PCDHA5: variants seen among roughly 807,000 people sequenced by gnomAD.
The protein encoded by PCDHA5 is protocadherin alpha-5.
In PCDHA5, 43 loss-of-function variants were observed where a neutral mutation model predicts 61.6. That is an observed-to-expected ratio of 0.70 (90% CI 0.55 to 0.90). The LOEUF (loss-of-function observed/expected upper bound fraction) is 0.90, where lower values mean the gene tolerates loss of function less well. PCDHA5 is among the 40% of genes least tolerant of loss of function. PCDHA5 has a pLI of 0.00. For missense variants in PCDHA5, 1,298 were observed against 1,222.7 expected (o/e 1.06, Z -0.92); for synonymous variants, 627 against 543.9 (o/e 1.15, Z -2.13).
Position 140,822,952 on chromosome 5 carries a change from C to T in PCDHA5, c.1177C>T (p.Pro393Ser). Residue 393 changes from proline (P) to serine (S), a missense_variant, in exon 1 of 4, where the codon CCC becomes TCC. Physicochemically the swap from Pro to Ser is moderately conservative, Grantham distance 74 (BLOSUM62 -1). Coordinates refer to ENST00000529859, the MANE Select transcript of PCDHA5 (RefSeq NM_018908.3). Reference protein sequence around the residue: ...QVTCSLMPHVPFKLVSTFKNY... With the variant: ...QVTCSLMPHVSFKLVSTFKNY... Reference sequence around the variant, plus strand: ...GACCTGCTCCCTAATGCCCCACGTTCCCTTCAAGCTGGTGTCCACCTTCAA... The same window carrying T: ...GACCTGCTCCCTAATGCCCCACGTTTCCTTCAAGCTGGTGTCCACCTTCAA... 1 of 1,614,248 alleles carries T rather than the reference C, an allele frequency of 6.2e-7. No individual in the cohort carries two copies. Among genetic ancestry groups the T allele is most frequent in the Non-Finnish European group, 8.5e-7 (1 of 1,180,052 alleles).
At chr5:140,828,739 T>C in intron 1 of PCDHA5, 2 of 1,614,220 alleles carry the variant, frequency 1.2e-6, no homozygotes, top group Non-Finnish European at 1.7e-6. Context: ...CAGCCACAGA[T>C]GGGGGCAAAC....
intron 1 of PCDHA5, among the ~76,000 whole-genome samples, chr5:140,961,895 T>A (rs1453853880): frequency 6.6e-6 from 1 of 152,012 alleles, no homozygotes; most frequent in Non-Finnish European, 1.5e-5. Flanking sequence ...CAGTTTTTTT[T>A]TTTTTTGAGA....
intron 1 of PCDHA5, among the ~76,000 whole-genome samples, chr5:140,946,403 CATAGAA>C (rs1425933072): frequency 1.3e-5 from 2 of 151,512 alleles, no homozygotes; most frequent in African/African-American, 2.4e-5. Flanking sequence ...TTAGTACAAT[CATAGAA>C]AACAATATGG....
At chr5:140,830,117 C>A (rs2150181375) in intron 1 of PCDHA5, 1 of 1,613,510 alleles carries the variant, frequency 6.2e-7, no homozygotes, top group Non-Finnish European at 8.5e-7. Context: ...TGGCCAGGCT[C>A]CAAAGGCGTC....
intron 1 of PCDHA5, chr5:140,927,999 C>T: frequency 6.2e-7 from 1 of 1,614,174 alleles, no homozygotes; most frequent in Non-Finnish European, 8.5e-7. Flanking sequence ...ATGAAGACCT[C>T]GATTCTAATG....
At chr5:140,929,417 T>C in intron 1 of PCDHA5, 2 of 1,503,568 alleles carry the variant, frequency 1.3e-6, no homozygotes, top group Non-Finnish European at 1.8e-6. Context: ...TTTCACAACA[T>C]TTCATCAATT....
chr5:140,963,496 A>C (rs1554226617), intron 1 of PCDHA5, among the ~76,000 whole-genome samples: 2 of 152,232 alleles, frequency 1.3e-5, no homozygotes, highest in African/African-American at 2.4e-5. Context: ...TGAGGAAACA[A>C]ATCTCTTGAA....
At chr5:140,984,581 C>G (rs141574202) in intron 3 of PCDHA5, among the ~76,000 whole-genome samples, 5 of 152,158 alleles carry the variant, frequency 3.3e-5, no homozygotes, top group African/African-American at 1.2e-4. Context: ...GCAACCTAAT[C>G]ATACTTTTCA....
chr5:140,838,676 C>G (rs1236293841), intron 1 of PCDHA5, among the ~76,000 whole-genome samples: 2 of 151,972 alleles, frequency 1.3e-5, no homozygotes, highest in African/African-American at 2.4e-5. Context: ...TGGCACACAC[C>G]TTTAACCCCA....
chr5:140,963,932 A>C (rs564788639), intron 1 of PCDHA5, among the ~76,000 whole-genome samples: 74 of 152,352 alleles, frequency 4.9e-4, no homozygotes, highest in African/African-American at 1.6e-3. Context: ...ACATGTCCAT[A>C]GCCAAACAGT....
chr5:140,978,703 G>C (rs556167285), intron 1 of PCDHA5, among the ~76,000 whole-genome samples: 1 of 152,328 alleles, frequency 6.6e-6, no homozygotes, highest in East Asian at 1.9e-4. Context: ...AGCCAAAGGT[G>C]GCCTTTACAA....
Position 140,821,716 on chromosome 5 carries a change from A to T in PCDHA5, c.-60A>T. On this transcript the variant is annotated 5_prime_UTR_variant, in exon 1 of 4. Coordinates refer to ENST00000529859, the MANE Select transcript of PCDHA5 (RefSeq NM_018908.3). Reference sequence around the variant, plus strand: ...AAATATATAGTTAATTGGGAATTGAATTTACAAAATACATTGTGTGGTGAT... The same window carrying T: ...AAATATATAGTTAATTGGGAATTGATTTTACAAAATACATTGTGTGGTGAT... 2 of 1,489,172 alleles carry T rather than the reference A, an allele frequency of 1.3e-6. No individual in the cohort carries two copies. The highest frequency in any genetic ancestry group is 1.8e-6 in the Non-Finnish European group (2 of 1,105,844). 92.2% of individuals were successfully genotyped at this position (1,489,172 alleles called of 1,614,324 possible). A position where few individuals can be genotyped will look rare whatever the true frequency, so the allele number is the denominator to read the frequency against.
chr5:140,943,465 G>C (rs1332571516), intron 1 of PCDHA5, among the ~76,000 whole-genome samples: 3 of 152,022 alleles, frequency 2.0e-5, no homozygotes, highest in African/African-American at 7.2e-5. Context: ...CTAAATGTGG[G>C]AGATACAGTA....
chr5:140,842,491 G>GC, intron 1 of PCDHA5: 1 of 1,613,896 alleles, frequency 6.2e-7, no homozygotes, highest in African/African-American at 1.3e-5. Flanking sequence ...GCTCCCTGAT[G>GC]CCCCATGTCC....
chr5:140,884,803 C>T, intron 1 of PCDHA5: 1 of 1,225,142 alleles, frequency 8.2e-7, no homozygotes, highest in Non-Finnish European at 1.1e-6. Context: ...AATTTAACAA[C>T]TCTGCTGTGG....
chr5:140,847,746 C>A (rs145193370), intron 1 of PCDHA5: 2 of 149,840 alleles, frequency 1.3e-5, no homozygotes, highest in Non-Finnish European at 3.0e-5. Context: ...TTTCTCCCCA[C>A]GCAACACAAG....
intron 1 of PCDHA5, chr5:140,875,534 T>G (rs114654172): frequency 0.025 from 39,957 of 1,614,138 alleles, 601 homozygotes; most frequent in Non-Finnish European, 0.03. Flanking sequence ...CTTCTGCTCC[T>G]TGCAGCCTGG....
At chr5:140,858,197 A>G (rs782680459) in intron 1 of PCDHA5, 4 of 1,597,058 alleles carry the variant, frequency 2.5e-6, no homozygotes, top group Non-Finnish European at 2.6e-6. Flanking sequence ...GCTGCTGTAC[A>G]CTGCACTGAG....
intron 1 of PCDHA5, chr5:140,876,192 G>C: frequency 6.2e-7 from 1 of 1,613,850 alleles, no homozygotes; most frequent in Non-Finnish European, 8.5e-7. Flanking sequence ...ACAATGGTCC[G>C]GCGTTTGATA....
Sources: gnomAD v4.1 joint callset for allele counts (sites outside exome capture counted in the v4.1 genomes callset) on GRCh38, gnomAD v4.1.1 for gene constraint, MANE v1.5 for transcripts, NCBI Gene and HGNC (gene_info 2026-07-23, HGNC 2026-07-21) for gene names.